The following TUT4 variants were observed in gnomAD, a reference collection of about 807,000 sequenced individuals.
TUT4 encodes terminal uridylyl transferase 4, also known as terminal uridylyltransferase 4.
Under a neutral mutation model 192.2 loss-of-function variants are expected in TUT4, and 36 were observed. The observed-to-expected ratio is 0.19, with a 90% confidence interval of 0.14 to 0.25. The LOEUF (loss-of-function observed/expected upper bound fraction) is 0.25. Among genes scored for constraint, TUT4 ranks in the 10% least tolerant of loss-of-function variants. The pLI is 1.00. For synonymous variants in TUT4, 618 were observed against 666.0 expected, an observed-to-expected ratio of 0.93 and a Z score of 1.11; for missense variants, 1,493 against 1,957.2, an observed-to-expected ratio of 0.76 and a Z score of 4.47.
In TUT4 at chr1:52,490,152, T is replaced by TC. The variant is rs1381976858; in HGVS notation, c.1388+579_1388+580insG. On this transcript the variant is annotated intron_variant, in intron 8 of 29. Transcript: ENST00000257177. ...TGTGAGATCCTTGAGAAGAGAGGCTTTTTTTTTTTTTTTTTTGAGACAGGG... is the reference window on the plus strand; with the variant it reads ...TGTGAGATCCTTGAGAAGAGAGGCTTCTTTTTTTTTTTTTTTTGAGACAGGG... 6.9e-5 allele frequency among the ~76,000 whole-genome samples: 10 copies of TC among 145,738 alleles called. No individual in the cohort carries two copies. In the East Asian group the frequency reaches 1.8e-3, roughly 26 times the overall value.
In TUT4 at chr1:52,519,345, G is replaced by A. The variant is rs549177455; in HGVS notation, c.719-3291C>T. The stretch of plus-strand genomic sequence containing the variant: ...TAAAGAGAAAGAAAGTAGATTCATG[G>A]TTGTCAGTGGGGAGGAGGAGCGGGT... On this transcript the variant is annotated intron_variant, in intron 2 of 29. Coordinates refer to ENST00000257177, the MANE Select transcript of TUT4 (RefSeq NM_001009881.3). Among the ~76,000 whole-genome samples the A allele has an allele frequency of 5.4e-3, 828 of 152,222 alleles. 4 individuals carry two copies. Among genetic ancestry groups the A allele is most frequent in the South Asian group, 0.019 (91 of 4,820 alleles).
chr1:52,461,676 T>G (rs1662605654), intron 17 of TUT4, 36 bp downstream of exon 17: 5 of 1,542,758 alleles, frequency 3.2e-6, no homozygotes, highest in Non-Finnish European at 3.5e-6. Flanking sequence ...CTAAAAAAAT[T>G]TATTTTGTTT....
At chr1:52,437,575 A>G (rs1286585434) in intron 25 of TUT4, 2 of 152,698 alleles carry the variant, frequency 1.3e-5, no homozygotes, top group East Asian at 3.8e-4. Context: ...ATCCTCAGCA[A>G]GAACCCAACG....
intron 1 of TUT4, among the ~76,000 whole-genome samples, chr1:52,549,822 T>C (rs904062026): frequency 6.6e-6 from 1 of 152,122 alleles, no homozygotes; most frequent in Non-Finnish European, 1.5e-5. Context: ...AAACAGTGTC[T>C]AGCGCAGTGC....
chr1:52,488,454 T>C (rs1035297687), intron 9 of TUT4, among the ~76,000 whole-genome samples: 1 of 152,182 alleles, frequency 6.6e-6, no homozygotes, highest in Admixed American at 6.5e-5. Context: ...AAATAACTAA[T>C]GCTCAGCAGT....
At position 52,475,260 on chromosome 1, in the gene TUT4, C is replaced by G. The variant is rs747142324; in HGVS notation, c.2299G>C (p.Asp767His). Reference protein sequence around the residue: ...NAEREQPVQCDEMDCTSQRCI... With the variant: ...NAEREQPVQCHEMDCTSQRCI... ...CTCTGTGATGTACAGTCCATTTCAT[C>G]ACATTGAACAGGTTGCTCTCTTTCT... Residue 767 changes from aspartate (D) to histidine (H), a missense_variant, in exon 13 of 30, where the codon GAT becomes CAT. Transcript: ENST00000257177. 4 of 1,614,010 alleles carry G rather than the reference C, an allele frequency of 2.5e-6. No individual in the cohort carries two copies. Among genetic ancestry groups the G allele is most frequent in the Non-Finnish European group, 3.4e-6 (4 of 1,180,038 alleles).
chr1:52,529,358 C>A (rs564744973), intron 1 of TUT4, among the ~76,000 whole-genome samples: 51 of 152,116 alleles, frequency 3.4e-4, no homozygotes, highest in African/African-American at 1.2e-3. Context: ...TTTTATTATT[C>A]TTGATAAGGT....
chr1:52,432,737 A>G (rs1040899044), intron 27 of TUT4: 1 of 152,264 alleles, frequency 6.6e-6, no homozygotes, highest in Non-Finnish European at 1.5e-5. Flanking sequence ...CCTGGGCAAC[A>G]TGTCGAAATC....
chr1:52,488,841 T>G, intron 9 of TUT4, 68 bp downstream of exon 9: 2 of 1,489,022 alleles, frequency 1.3e-6, no homozygotes, highest in Non-Finnish European at 9.0e-7. Flanking sequence ...AGAAAAGGCC[T>G]AATTTTGAAG....
At chr1:52,425,273 C>T (rs1649465670) in intron 29 of TUT4, 76 bp downstream of exon 29, 2 of 1,497,320 alleles carry the variant, frequency 1.3e-6, no homozygotes, top group Non-Finnish European at 1.8e-6. Context: ...ACTCCCAGAT[C>T]CTGGCCTTCA....
intron 24 of TUT4, among the ~76,000 whole-genome samples, chr1:52,440,122 C>A (rs141615462): frequency 6.6e-6 from 1 of 152,030 alleles, no homozygotes; most frequent in East Asian, 1.9e-4. Context: ...GGGGAAGAGA[C>A]GGAATGAGAA....
intron 20 of TUT4, among the ~76,000 whole-genome samples, chr1:52,453,195 C>T (rs940215341): frequency 5.3e-5 from 8 of 151,782 alleles, no homozygotes; most frequent in East Asian, 1.9e-4. Context: ...GACTAGCCTG[C>T]GTGGTGAAAC....
chr1:52,461,048 G>A (rs1026994558), intron 19 of TUT4, 86 bp downstream of exon 19: 1 of 1,173,660 alleles, frequency 8.5e-7, no homozygotes, highest in Middle Eastern at 2.9e-4. Context: ...ACAAAACTGA[G>A]ACAAAATTTT....
At position 52,517,820 on chromosome 1, in the gene TUT4, G is replaced by A. The variant is rs912964548; in HGVS notation, c.719-1766C>T. On this transcript the variant is annotated intron_variant, in intron 2 of 29. Transcript: ENST00000257177. Reference sequence around the variant, plus strand: ...TCCTAGTATTATTTCTACTTTTCATGAAAAAGGATGGTAAGAAGACAATCT... The same window carrying A: ...TCCTAGTATTATTTCTACTTTTCATAAAAAAGGATGGTAAGAAGACAATCT... 3.9e-5 allele frequency among the ~76,000 whole-genome samples: 6 copies of A among 152,254 alleles called. No homozygotes were observed. In the South Asian group the frequency reaches 8.3e-4, roughly 21 times the overall value.
In TUT4 at chr1:52,509,641, C is replaced by A. The variant is rs751402723; in HGVS notation, c.954G>T (p.Gly318=). 1 of 1,609,974 alleles carries A rather than the reference C, an allele frequency of 6.2e-7. No individual in the cohort carries two copies. The highest frequency in any genetic ancestry group is 8.5e-7 in the Non-Finnish European group (1 of 1,177,012). The stretch of plus-strand genomic sequence containing the variant: ...GTTTCTCCTTTATATGTTTATGAGC[C>A]CCCTGGATATTTTCAATGTGAATTA... ...LCLIHIENIQ[G]AHKHIKEKRH... is the part of the protein sequence containing the mutation. The change falls in exon 4 of 30, where the codon GGG becomes GGT. Residue 318 remains glycine, a synonymous_variant. Coordinates refer to ENST00000257177, the MANE Select transcript of TUT4 (RefSeq NM_001009881.3).
intron 26 of TUT4, 93 bp from the exon 27 acceptor site, chr1:52,435,558 A>C (rs2148240269): frequency 4.2e-6 from 4 of 943,206 alleles, no homozygotes; most frequent in Non-Finnish European, 6.5e-6. Flanking sequence ...AAAGAATCTC[A>C]AATATCTCTG....
chr1:52,541,404 C>T (rs1480282610), intron 1 of TUT4, among the ~76,000 whole-genome samples: 3 of 151,488 alleles, frequency 2.0e-5, no homozygotes, highest in Non-Finnish European at 4.4e-5. Context: ...TGGTGGCAGG[C>T]GCCAGTAATC....
intron 1 of TUT4, among the ~76,000 whole-genome samples, chr1:52,551,457 G>A (rs1295415125): frequency 6.6e-6 from 1 of 152,032 alleles, no homozygotes; most frequent in Admixed American, 6.6e-5. Context: ...AGCATAAAAC[G>A]ACTTAAAATT....
intron 2 of TUT4, among the ~76,000 whole-genome samples, chr1:52,519,494 A>G (rs1211451205): frequency 6.6e-6 from 1 of 151,942 alleles, no homozygotes; most frequent in Non-Finnish European, 1.5e-5. Flanking sequence ...CTTAATACTT[A>G]GATTTTTAGT....
Sources: gnomAD v4.1 joint callset for allele counts (sites outside exome capture counted in the v4.1 genomes callset) on GRCh38, gnomAD v4.1.1 for gene constraint, MANE v1.5 for transcripts, NCBI Gene and HGNC (gene_info 2026-07-23, HGNC 2026-07-21) for gene names.